IL4R: variants seen among roughly 807,000 people sequenced by gnomAD.
IL4R encodes interleukin 4 receptor.
IL4R carries 17 observed loss-of-function variants against 41.5 expected under a neutral mutation model. The ratio of observed to expected loss-of-function variants is 0.41; its 90% CI spans 0.28 to 0.61. The LOEUF (loss-of-function observed/expected upper bound fraction) is 0.61. IL4R is among the 20% of genes least tolerant of loss of function. The pLI is 0.31. For missense variants in IL4R, 974 were observed against 1,043.1 expected, an observed-to-expected ratio of 0.93 and a Z score of 0.91; for synonymous variants, 402 against 422.9, an observed-to-expected ratio of 0.95 and a Z score of 0.61.
chr16:27,340,312 T>A, intron 3 of IL4R, 39 bp downstream of exon 3: 1 of 1,517,292 alleles, frequency 6.6e-7, no homozygotes, highest in South Asian at 1.1e-5. Flanking sequence ...TGTTGGCTAT[T>A]AATGGCGTGC....
intron 1 of IL4R, among the ~76,000 whole-genome samples, chr16:27,329,854 A>AGG (rs2085064539): frequency 6.6e-6 from 1 of 151,262 alleles, no homozygotes; most frequent in South Asian, 2.1e-4. Context: ...AGTCACAGGG[A>AGG]GGGCCCGCAT....
At chr16:27,315,903 A>T (rs1054468178) in intron 1 of IL4R, among the ~76,000 whole-genome samples, 6 of 152,188 alleles carry the variant, frequency 3.9e-5, no homozygotes, top group African/African-American at 1.2e-4. Context: ...TTTACAACAC[A>T]TGCAGTTACC....
intron 3 of IL4R, among the ~76,000 whole-genome samples, chr16:27,340,579 A>C (rs2085409211): frequency 6.6e-6 from 1 of 151,892 alleles, no homozygotes; most frequent in Non-Finnish European, 1.5e-5. Context: ...AATATTAGCC[A>C]GGTGTGGCAG....
chr16:27,351,715 A>G (rs1286192704), intron 6 of IL4R, among the ~76,000 whole-genome samples: 1 of 151,916 alleles, frequency 6.6e-6, no homozygotes, highest in Non-Finnish European at 1.5e-5. Flanking sequence ...GAGTTTCACC[A>G]TGTTGGCCAG....
At chr16:27,361,724 C>T (rs2086294097) in intron 10 of IL4R, among the ~76,000 whole-genome samples, 1 of 151,242 alleles carries the variant, frequency 6.6e-6, no homozygotes. Context: ...CTAGCCTCAG[C>T]CTTCTAAGTA....
intron 2 of IL4R, among the ~76,000 whole-genome samples, chr16:27,336,948 A>G (rs1231768589): frequency 6.6e-6 from 1 of 152,020 alleles, no homozygotes; most frequent in Non-Finnish European, 1.5e-5. Context: ...TGTGTGGCCC[A>G]TGCCTGTAAT....
chr16:27,323,141 C>T (rs1238055285), intron 1 of IL4R, among the ~76,000 whole-genome samples: 1 of 152,180 alleles, frequency 6.6e-6, no homozygotes, highest in Non-Finnish European at 1.5e-5. Context: ...AGAAAATGAA[C>T]GGGAAGCTCT....
chr16:27,338,743 G>A (rs181423780), intron 2 of IL4R, among the ~76,000 whole-genome samples: 1 of 152,194 alleles, frequency 6.6e-6, no homozygotes, highest in African/African-American at 2.4e-5. Flanking sequence ...TGAAGACACA[G>A]CAGCATGGCA....
At chr16:27,352,481 T>A in intron 6 of IL4R, 59 bp from the exon 7 acceptor site, 2 of 1,444,730 alleles carry the variant, frequency 1.4e-6, no homozygotes. Flanking sequence ...GCAACCAGGG[T>A]GGGCACTGGT....
chr16:27,352,477 A>G (rs1472846671), intron 6 of IL4R, 63 bp from the exon 7 acceptor site: 5 of 1,439,556 alleles, frequency 3.5e-6, no homozygotes, highest in Non-Finnish European at 3.9e-6. Context: ...GACAGCAACC[A>G]GGGTGGGCAC....
At chr16:27,360,898 G>A in intron 10 of IL4R, 83 bp downstream of exon 10, 1 of 1,611,868 alleles carries the variant, frequency 6.2e-7, no homozygotes, top group Non-Finnish European at 8.5e-7. Flanking sequence ...CTCCATGTCT[G>A]CCTTCTCTTC....
At position 27,363,684 on chromosome 16, in the gene IL4R, G is replaced by T. The variant is rs372080960; in HGVS notation, c.2332G>T (p.Ala778Ser). Residue 778 changes from alanine (A) to serine (S), a missense_variant, in exon 11 of 11, where the codon GCC (alanine) becomes TCC (serine). Physicochemically the swap from Ala to Ser is moderately conservative, Grantham distance 99. This residue lies in a region of IL4R where 682 missense variants were observed against 704.3 expected (regional missense o/e 0.97). Coordinates refer to ENST00000395762, the MANE Select transcript of IL4R (RefSeq NM_000418.4). ...TCCACTGGAGGCCAGTCTGTGTCCGGCCTCCCTGGCACCCTCGGGCATCTC... is the reference window on the plus strand; with the variant it reads ...TCCACTGGAGGCCAGTCTGTGTCCGTCCTCCCTGGCACCCTCGGGCATCTC... ...GVPLEASLCP[A>S]SLAPSGISEK... is the part of the protein sequence containing the mutation. The T allele has an allele frequency of 3.1e-6, 5 of 1,613,778 alleles. No individual in the cohort carries two copies. The African/African-American group carries it at 5.3e-5, about 17-fold the overall frequency.
At chr16:27,338,540 G>C (rs1410006797) in intron 2 of IL4R, among the ~76,000 whole-genome samples, 1 of 151,764 alleles carries the variant, frequency 6.6e-6, no homozygotes, top group Non-Finnish European at 1.5e-5. Context: ...TTTTCTTAAT[G>C]ATAATAGCTG....
chr16:27,359,468 C>A lies in IL4R; in HGVS notation c.849+474C>A, dbSNP rs553187711. Among the ~76,000 whole-genome samples, 7 of 152,248 alleles carry A rather than the reference C, an allele frequency of 4.6e-5. No individual in the cohort carries two copies. The South Asian group carries it at 1.2e-3, about 27-fold the overall frequency. Reference sequence around the variant, plus strand: ...CTAAGCCAGGGGTGGAGTCAGCTTCCCCAAGGCGATGGTCCTGTGGGTGAG... The same window carrying A: ...CTAAGCCAGGGGTGGAGTCAGCTTCACCAAGGCGATGGTCCTGTGGGTGAG... On this transcript the variant is annotated intron_variant, in intron 9 of 10. Coordinates refer to ENST00000395762, the MANE Select transcript of IL4R (RefSeq NM_000418.4).
At chr16:27,334,814 C>T (rs952343485) in intron 2 of IL4R, among the ~76,000 whole-genome samples, 1 of 152,148 alleles carries the variant, frequency 6.6e-6, no homozygotes, top group Non-Finnish European at 1.5e-5. Context: ...GAGCCTTCCC[C>T]TAGAGAGAGC....
intron 2 of IL4R, among the ~76,000 whole-genome samples, chr16:27,332,902 C>G (rs1288569762): frequency 6.6e-6 from 1 of 151,844 alleles, no homozygotes. Flanking sequence ...TTTAGTTTCT[C>G]TTGTGATTTC....
At chr16:27,330,517 T>C (rs892284988) in intron 2 of IL4R, among the ~76,000 whole-genome samples, 4 of 152,126 alleles carry the variant, frequency 2.6e-5, no homozygotes, top group African/African-American at 4.8e-5. Flanking sequence ...GACACTGATA[T>C]AAGCTACTGA....
chr16:27,358,869 AC>A, intron 8 of IL4R, 46 bp from the exon 9 acceptor site: 2 of 1,416,672 alleles, frequency 1.4e-6, no homozygotes, highest in East Asian at 4.6e-5. Flanking sequence ...AGGAGCGTTC[AC>A]CTGTCAATAA....
At chr16:27,349,337 GA>G (rs1423003331) in intron 6 of IL4R, among the ~76,000 whole-genome samples, 1 of 152,218 alleles carries the variant, frequency 6.6e-6, no homozygotes, top group African/African-American at 2.4e-5. Flanking sequence ...TACTGAGTGG[GA>G]TAAATTCCAG....
Sources: allele counts gnomAD v4.1 joint callset (sites outside exome capture counted in the v4.1 genomes callset), GRCh38; gene constraint gnomAD v4.1.1; regional missense constraint gnomAD v4.1.1; transcripts MANE v1.5; gene names NCBI Gene and HGNC (gene_info 2026-07-23, HGNC 2026-07-21).